Variants in HERPUD2 observed in about 807,000 individuals in gnomAD.
HERPUD2 encodes the protein homocysteine-responsive endoplasmic reticulum-resident ubiquitin-like domain member 2 protein.
Under a neutral mutation model 49.9 loss-of-function variants are expected in HERPUD2, and 13 were observed. The ratio of observed to expected loss-of-function variants is 0.26; its 90% CI spans 0.17 to 0.41. The LOEUF (loss-of-function observed/expected upper bound fraction) is 0.41. Among genes scored for constraint, HERPUD2 ranks in the 10% least tolerant of loss-of-function variants. The probability of loss-of-function intolerance (pLI) is 1.00; values close to 1 mark genes in which losing one functional copy is unlikely to be tolerated. For missense variants in HERPUD2, 449 were observed against 492.2 expected (o/e 0.91, Z 0.83); for synonymous variants, 172 against 171.4 (o/e 1.00, Z -0.03).
intron 7 of HERPUD2, 44 bp from the exon 8 acceptor site, chr7:35,634,473 T>TTTTA: frequency 8.1e-7 from 1 of 1,236,344 alleles, no homozygotes; most frequent in Non-Finnish European, 1.2e-6. Flanking sequence ...TCACAGTTGT[T>TTTTA]TTTATTTGTA....
chr7:35,648,982 T>C (rs1785107235), intron 5 of HERPUD2, among the ~76,000 whole-genome samples: 1 of 152,238 alleles, frequency 6.6e-6, no homozygotes, highest in South Asian at 2.1e-4. Flanking sequence ...CCGGGAGCAG[T>C]GGCTCACGCC....
Position 35,633,516 on chromosome 7 carries a change from T to G in HERPUD2, c.*174A>C. The G allele has an allele frequency of 2.3e-6, 1 of 430,174 alleles. No individual in the cohort carries two copies. 26.6% of individuals were successfully genotyped at this position (430,174 alleles called of 1,614,324 possible). ...TAAAAAAAAAAAAAAAAAACTCAGA[T>G]ATTTAGTAGTCCATTCGTGCTTAAA... On this transcript the variant is annotated 3_prime_UTR_variant, in exon 9 of 9. Transcript: ENST00000311350.
intron 2 of HERPUD2, among the ~76,000 whole-genome samples, chr7:35,693,856 T>C (rs534946355): frequency 1.6e-4 from 25 of 152,322 alleles, no homozygotes; most frequent in Admixed American, 7.8e-4. Flanking sequence ...AAGGCTGGTC[T>C]CGAACTCCTG....
chr7:35,687,623 C>G (rs957242715), intron 2 of HERPUD2, among the ~76,000 whole-genome samples: 1 of 152,220 alleles, frequency 6.6e-6, no homozygotes, highest in African/African-American at 2.4e-5. Flanking sequence ...GTGAGGAAAG[C>G]TCACTTGCTG....
chr7:35,668,409 G>C (rs1785583874), intron 4 of HERPUD2: 1 of 152,492 alleles, frequency 6.6e-6, no homozygotes, highest in Non-Finnish European at 1.5e-5. Context: ...TTTGAAAATA[G>C]TTTGTCAAGT....
At chr7:35,659,385 T>A (rs551402285) in intron 5 of HERPUD2, among the ~76,000 whole-genome samples, 1 of 152,348 alleles carries the variant, frequency 6.6e-6, no homozygotes, top group South Asian at 2.1e-4. Flanking sequence ...AACACAAGCA[T>A]TCATTTGACT....
Position 35,685,410 on chromosome 7 carries a change from G to A in HERPUD2, c.147+8774C>T, listed in dbSNP as rs1289222399. On this transcript the variant is annotated intron_variant, in intron 2 of 8. Coordinates refer to ENST00000311350, the MANE Select transcript of HERPUD2 (RefSeq NM_022373.5). ...ATGAGCTCAGCTCCCAGCAACCTCCGCCTCCCAGGCTTAAGCAATTCTCGT... is the reference window on the plus strand; with the variant it reads ...ATGAGCTCAGCTCCCAGCAACCTCCACCTCCCAGGCTTAAGCAATTCTCGT... Among the ~76,000 whole-genome samples, 16 of 147,358 alleles carry A rather than the reference G, an allele frequency of 1.1e-4. No homozygotes were observed. The East Asian group carries it at 1.2e-3, about 11-fold the overall frequency.
chr7:35,663,735 T>C (rs1345415283), intron 5 of HERPUD2, among the ~76,000 whole-genome samples: 1 of 152,190 alleles, frequency 6.6e-6, no homozygotes, highest in Non-Finnish European at 1.5e-5. Flanking sequence ...GCCTTTTTTT[T>C]GTTTTCCATT....
chr7:35,664,830 G>C (rs1785503739), intron 5 of HERPUD2, among the ~76,000 whole-genome samples: 1 of 152,126 alleles, frequency 6.6e-6, no homozygotes, highest in African/African-American at 2.4e-5. Context: ...TTTGTGATGG[G>C]TTCAAACATC....
intron 2 of HERPUD2, among the ~76,000 whole-genome samples, chr7:35,681,615 T>C (rs538251208): frequency 1.8e-4 from 27 of 152,282 alleles, no homozygotes; most frequent in African/African-American, 6.5e-4. Flanking sequence ...AAATATGGTG[T>C]ATATAAATAT....
chr7:35,679,857 T>G (rs571495898), intron 2 of HERPUD2, among the ~76,000 whole-genome samples: 1 of 152,344 alleles, frequency 6.6e-6, no homozygotes, highest in East Asian at 1.9e-4. Flanking sequence ...CATAACAACC[T>G]GTGACCAGTT....
At position 35,694,199 on chromosome 7, in the gene HERPUD2, A is replaced by C; in HGVS notation, c.132T>G (p.Val44=). 1 of 1,614,088 alleles carries C rather than the reference A, an allele frequency of 6.2e-7. No homozygotes were observed. Among genetic ancestry groups the C allele is most frequent in the Non-Finnish European group, 8.5e-7 (1 of 1,180,024 alleles). Residue 44 remains valine (V), a synonymous_variant, in exon 2 of 9, where the codon GTT becomes GTG. Transcript: ENST00000311350. ...ACACACTTACTGGTTTGCTAGGGTAAACGTTAGATAGATGCGTTTTTAGTT... is the reference window on the plus strand; with the variant it reads ...ACACACTTACTGGTTTGCTAGGGTACACGTTAGATAGATGCGTTTTTAGTT... The part of the protein sequence containing the change: ...VGKLKTHLSN[V]YPSKPLTKDQ...
intron 5 of HERPUD2, among the ~76,000 whole-genome samples, chr7:35,653,278 T>G (rs1785204075): frequency 1.3e-5 from 2 of 152,124 alleles, no homozygotes; most frequent in Non-Finnish European, 2.9e-5. Flanking sequence ...AGAACATCTA[T>G]CCTTATAACA....
At chr7:35,652,376 C>T (rs1785185652) in intron 5 of HERPUD2, among the ~76,000 whole-genome samples, 1 of 152,144 alleles carries the variant, frequency 6.6e-6, no homozygotes, top group Admixed American at 6.5e-5. Flanking sequence ...CCCAACAATC[C>T]TCAAATAGAT....
chr7:35,669,133 T>C (rs1785595830), intron 4 of HERPUD2, among the ~76,000 whole-genome samples: 2 of 152,034 alleles, frequency 1.3e-5, no homozygotes. Flanking sequence ...GTCCGACGAC[T>C]ACAAAAAAAA....
chr7:35,671,111 C>A (rs1785634937), intron 3 of HERPUD2, among the ~76,000 whole-genome samples: 1 of 151,778 alleles, frequency 6.6e-6, no homozygotes, highest in Non-Finnish European at 1.5e-5. Context: ...GAAAGATAAC[C>A]AAATGGGGAG....
intron 2 of HERPUD2, among the ~76,000 whole-genome samples, chr7:35,691,882 C>A (rs1312368982): frequency 2.0e-5 from 3 of 152,104 alleles, no homozygotes; most frequent in Non-Finnish European, 2.9e-5. Context: ...TCAATTCTCA[C>A]GTGATAAGAA....
Position 35,694,188 on chromosome 7 carries a change from T to C in HERPUD2, c.143A>G (p.Lys48Arg), listed in dbSNP as rs749598978. 6.2e-7 allele frequency: 1 copy of C among 1,614,090 alleles called. No homozygotes were observed. Among genetic ancestry groups the C allele is most frequent in the Admixed American group, 1.7e-5 (1 of 60,020 alleles). Residue 48 changes from lysine (K) to arginine (R), a missense_variant, in exon 2 of 9, where the codon AAA (lysine) becomes AGA (arginine). By Grantham distance (26) the Lys-to-Arg change is conservative. Transcript: ENST00000311350. ...CCCCAGCTTTTACACACTTACTGGT[T>C]TGCTAGGGTAAACGTTAGATAGATG... ...KTHLSNVYPS[K>R]PLTKDQRLVY...
At chr7:35,638,069 T>C (rs1470785353) in intron 6 of HERPUD2, among the ~76,000 whole-genome samples, 1 of 152,232 alleles carries the variant, frequency 6.6e-6, no homozygotes, top group Admixed American at 6.5e-5. Context: ...TCTTCATGTA[T>C]ATTTGCTGCC....
Sources: gnomAD v4.1 joint callset for allele counts (sites outside exome capture counted in the v4.1 genomes callset) on GRCh38, gnomAD v4.1.1 for gene constraint, MANE v1.5 for transcripts, NCBI Gene and HGNC (gene_info 2026-07-23, HGNC 2026-07-21) for gene names.